The following DLG1 variants were observed in gnomAD, a reference collection of about 807,000 sequenced individuals.
DLG1 encodes the protein discs large MAGUK scaffold protein 1.
Under a neutral mutation model 123.4 loss-of-function variants are expected in DLG1, and 42 were observed. The ratio of observed to expected loss-of-function variants is 0.34; its 90% CI spans 0.27 to 0.44. The LOEUF is 0.44. Among genes scored for constraint, DLG1 ranks in the 20% least tolerant of loss-of-function variants. The probability of loss-of-function intolerance (pLI) is 1.00; values close to 1 mark genes in which losing one functional copy is unlikely to be tolerated. For missense variants in DLG1, 942 were observed against 1,082.6 expected, an observed-to-expected ratio of 0.87 and a Z score of 1.82; for synonymous variants, 317 against 356.2, an observed-to-expected ratio of 0.89 and a Z score of 1.24.
At chr3:197,296,790 TA>T (rs3841952) in intron 2 of DLG1, 207,558 of 355,626 alleles carry the variant, frequency 0.58, 62,248 homozygotes, top group East Asian at 0.76. Context: ...GATTACCTGA[TA>T]ATGCAAAAGC....
intron 4 of DLG1, among the ~76,000 whole-genome samples, chr3:197,195,520 A>C (rs546225365): frequency 1.3e-5 from 2 of 152,336 alleles, no homozygotes; most frequent in South Asian, 4.1e-4. Flanking sequence ...AATGTGGTAC[A>C]TATACACCAC....
chr3:197,094,385 C>T (rs560053457), intron 14 of DLG1, among the ~76,000 whole-genome samples: 3 of 152,296 alleles, frequency 2.0e-5, no homozygotes, highest in South Asian at 2.1e-4. Flanking sequence ...AATTCAGACA[C>T]GCTTGTCCTT....
chr3:197,199,255 T>G (rs1173818910), intron 4 of DLG1, among the ~76,000 whole-genome samples: 1 of 152,152 alleles, frequency 6.6e-6, no homozygotes, highest in Admixed American at 6.5e-5. Context: ...AAAACTAAAG[T>G]CTATTCTCTA....
chr3:197,051,612 A>G lies in DLG1; in HGVS notation c.2540T>C (p.Met847Thr). ...TTCAGTAAACTCCTGTTCCAGTTTCATGGCTCTCTCAAATGTTTTTCTGGC... is the reference window on the plus strand; with the variant it reads ...TTCAGTAAACTCCTGTTCCAGTTTCGTGGCTCTCTCAAATGTTTTTCTGGC... ...EQARKTFERA[M>T]KLEQEFTEHF... The change falls in exon 24 of 25, where the codon ATG becomes ACG. Residue 847 changes from methionine (M) to threonine (T), a missense_variant. Met to Thr is a moderately conservative substitution (Grantham distance 81). Coordinates refer to ENST00000667157, the MANE Select transcript of DLG1 (RefSeq NM_001366207.1). 6.2e-7 allele frequency: 1 copy of G among 1,613,986 alleles called. No homozygotes were observed. The highest frequency in any genetic ancestry group is 8.5e-7 in the Non-Finnish European group (1 of 1,179,908).
chr3:197,179,174 C>T (rs1428549505), intron 5 of DLG1, among the ~76,000 whole-genome samples: 2 of 152,094 alleles, frequency 1.3e-5, no homozygotes, highest in Non-Finnish European at 2.9e-5. Flanking sequence ...AGCTGCAATC[C>T]GGATGGTCTG....
chr3:197,244,501 C>T (rs538896792), intron 4 of DLG1, among the ~76,000 whole-genome samples: 8 of 151,932 alleles, frequency 5.3e-5, no homozygotes, highest in African/African-American at 1.4e-4. Flanking sequence ...TTTACCTCTA[C>T]GACGGCCACT....
At chr3:197,261,679 T>C (rs1243318981) in intron 4 of DLG1, among the ~76,000 whole-genome samples, 4 of 152,202 alleles carry the variant, frequency 2.6e-5, no homozygotes, top group African/African-American at 9.7e-5. Flanking sequence ...ATTTCACTGT[T>C]AAGCGTTATG....
At chr3:197,153,204 C>T (rs1053106056) in intron 5 of DLG1, among the ~76,000 whole-genome samples, 4 of 152,150 alleles carry the variant, frequency 2.6e-5, no homozygotes, top group African/African-American at 9.7e-5. Flanking sequence ...CTGAGGTGAT[C>T]ACTGCAGGTT....
At chr3:197,093,171 G>T (rs7609714) in intron 14 of DLG1, among the ~76,000 whole-genome samples, 113,716 of 150,984 alleles carry the variant, frequency 0.75, 42,916 homozygotes, top group East Asian at 0.81. Context: ...TTTTCTTTTT[G>T]TTTTTTCAGA....
chr3:197,268,832 T>C (rs1268006625), intron 4 of DLG1, among the ~76,000 whole-genome samples: 3 of 151,958 alleles, frequency 2.0e-5, no homozygotes, highest in African/African-American at 7.2e-5. Flanking sequence ...TATAAGCTTT[T>C]TTCTATTTTT....
At chr3:197,048,538 A>G (rs1326225167) in intron 24 of DLG1, among the ~76,000 whole-genome samples, 1 of 152,196 alleles carries the variant, frequency 6.6e-6, no homozygotes, top group East Asian at 1.9e-4. Context: ...TCAAAAAGAT[A>G]AGAGATAACA....
At chr3:197,252,016 T>C (rs1398885446) in intron 4 of DLG1, among the ~76,000 whole-genome samples, 1 of 152,208 alleles carries the variant, frequency 6.6e-6, no homozygotes, top group Non-Finnish European at 1.5e-5. Context: ...TACAGAACAG[T>C]CTTTTCTGAA....
intron 5 of DLG1, among the ~76,000 whole-genome samples, chr3:197,167,076 C>T (rs1463297838): frequency 2.6e-5 from 4 of 151,984 alleles, no homozygotes; most frequent in Non-Finnish European, 4.4e-5. Context: ...TGAAGGGCTG[C>T]CACTGGCCAG....
intron 4 of DLG1, 130 bp from the exon 5 acceptor site, chr3:197,194,719 G>C (rs1721484496): frequency 2.0e-6 from 1 of 501,978 alleles, no homozygotes; most frequent in African/African-American, 2.0e-5. Context: ...TAATACATCA[G>C]ATCTCAGAGA....
At chr3:197,084,251 C>G (rs1752844900) in intron 16 of DLG1, among the ~76,000 whole-genome samples, 1 of 151,936 alleles carries the variant, frequency 6.6e-6, no homozygotes, top group South Asian at 2.1e-4. Context: ...TTAATATATA[C>G]TTACTTTGTT....
intron 4 of DLG1, among the ~76,000 whole-genome samples, chr3:197,230,949 T>G (rs1254101997): frequency 2.0e-5 from 3 of 149,884 alleles, no homozygotes; most frequent in African/African-American, 7.6e-5. Context: ...TATAGTATGT[T>G]ATTTAATCAT....
At chr3:197,228,254 G>A (rs577823592) in intron 4 of DLG1, among the ~76,000 whole-genome samples, 2 of 152,268 alleles carry the variant, frequency 1.3e-5, no homozygotes, top group African/African-American at 4.8e-5. Context: ...TGATCATGTA[G>A]GTTGTACACG....
chr3:197,055,242 C>T (rs529480935), intron 23 of DLG1, among the ~76,000 whole-genome samples: 33 of 152,296 alleles, frequency 2.2e-4, no homozygotes, highest in African/African-American at 6.7e-4. Flanking sequence ...TGAGCCACTG[C>T]GCTGGGCCTA....
intron 6 of DLG1, among the ~76,000 whole-genome samples, chr3:197,145,971 C>T (rs909699458): frequency 2.0e-5 from 3 of 151,140 alleles, no homozygotes. Context: ...ACCTGGGCAA[C>T]AAACAGAGTG....
Sources: allele counts gnomAD v4.1 joint callset (sites outside exome capture counted in the v4.1 genomes callset), GRCh38; gene constraint gnomAD v4.1.1; transcripts MANE v1.5; gene names NCBI Gene and HGNC (gene_info 2026-07-23, HGNC 2026-07-21).